HEMK2: variants seen among roughly 807,000 people sequenced by gnomAD.
HEMK2 encodes methyltransferase HEMK2.
chr21:28,857,792 G>A, the HEMK2 span, among the ~76,000 whole-genome samples: 47 of 152,118 alleles, frequency 3.1e-4, no homozygotes, highest in Admixed American at 1.1e-3. Flanking sequence ...GATTATATGA[G>A]CTACTCTCTA....
At chr21:28,846,056 T>C in the HEMK2 span, among the ~76,000 whole-genome samples, 11 of 152,224 alleles carry the variant, frequency 7.2e-5, no homozygotes, top group Non-Finnish European at 1.5e-4. Flanking sequence ...TATTTAGTTT[T>C]CTGTCCTTAC....
chr21:28,738,700 G>C, the HEMK2 span, among the ~76,000 whole-genome samples: 1 of 152,204 alleles, frequency 6.6e-6, no homozygotes, highest in African/African-American at 2.4e-5. Context: ...CGAAACAACA[G>C]AGCTTACGTC....
At chr21:28,767,711 A>G in the HEMK2 span, among the ~76,000 whole-genome samples, 1 of 152,138 alleles carries the variant, frequency 6.6e-6, no homozygotes, top group Non-Finnish European at 1.5e-5. Flanking sequence ...GTCAAGTCAT[A>G]TCATCTAACA....
the HEMK2 span, among the ~76,000 whole-genome samples, chr21:28,844,017 T>C: frequency 1.3e-5 from 2 of 152,166 alleles, no homozygotes; most frequent in Admixed American, 1.3e-4. Flanking sequence ...TTTAATAATC[T>C]ATTGCTTATT....
At chr21:28,674,570 A>T in the HEMK2 span, 2 of 152,098 alleles carry the variant, frequency 1.3e-5, no homozygotes, top group Non-Finnish European at 2.9e-5. Context: ...TCACTTCATG[A>T]TCTCACTCCT....
chr21:28,659,253 A>G, the HEMK2 span, among the ~76,000 whole-genome samples: 2 of 152,138 alleles, frequency 1.3e-5, no homozygotes, highest in African/African-American at 4.8e-5. Flanking sequence ...CTTGTTCTAC[A>G]TGATTTAATA....
the HEMK2 span, among the ~76,000 whole-genome samples, chr21:28,818,229 G>A: frequency 2.0e-3 from 310 of 152,242 alleles, 4 homozygotes; most frequent in African/African-American, 7.0e-3. Flanking sequence ...TCTTTCTCCC[G>A]TGCTGGATGC....
chr21:28,587,967 A>G, the HEMK2 span, among the ~76,000 whole-genome samples: 1 of 152,236 alleles, frequency 6.6e-6, no homozygotes, highest in Non-Finnish European at 1.5e-5. Context: ...GTTGCAAGAC[A>G]ACTTGTATGC....
At chr21:28,814,453 G>C in the HEMK2 span, among the ~76,000 whole-genome samples, 1 of 151,222 alleles carries the variant, frequency 6.6e-6, no homozygotes. Context: ...GCAACCTACA[G>C]AATGGGAGAA....
the HEMK2 span, chr21:28,874,259 C>T: frequency 6.6e-6 from 1 of 152,218 alleles, no homozygotes; most frequent in Admixed American, 6.5e-5. Context: ...ATGAGACATT[C>T]TGTAAGTCCA....
At chr21:28,621,160 G>T in the HEMK2 span, among the ~76,000 whole-genome samples, 7 of 152,020 alleles carry the variant, frequency 4.6e-5, no homozygotes, top group African/African-American at 9.7e-5. Flanking sequence ...TGATGTTAGG[G>T]TGTCGATTTT....
At chr21:28,800,662 G>A in the HEMK2 span, among the ~76,000 whole-genome samples, 1 of 152,126 alleles carries the variant, frequency 6.6e-6, no homozygotes, top group African/African-American at 2.4e-5. Flanking sequence ...ATATGTAGTG[G>A]AGGATTGTGA....
the HEMK2 span, among the ~76,000 whole-genome samples, chr21:28,832,330 C>T: frequency 6.6e-6 from 1 of 152,202 alleles, no homozygotes. Flanking sequence ...GAGGAAATAA[C>T]AATCAGGAGC....
At chr21:28,578,672 T>C in the HEMK2 span, among the ~76,000 whole-genome samples, 48 of 152,266 alleles carry the variant, frequency 3.2e-4, no homozygotes, top group African/African-American at 1.0e-3. Context: ...AATCTTCTAC[T>C]CAGGGATAAG....
chr21:28,834,110 T>C, the HEMK2 span, among the ~76,000 whole-genome samples: 1 of 152,252 alleles, frequency 6.6e-6, no homozygotes, highest in Non-Finnish European at 1.5e-5. Flanking sequence ...TGTGCCTATG[T>C]GAATGATCCC....
chr21:28,776,700 G>T, the HEMK2 span, among the ~76,000 whole-genome samples: 7 of 152,126 alleles, frequency 4.6e-5, no homozygotes, highest in African/African-American at 1.7e-4. Context: ...CTAAAGGCCT[G>T]AGAGTCCCTG....
chr21:28,630,170 C>A, the HEMK2 span, among the ~76,000 whole-genome samples: 1 of 149,834 alleles, frequency 6.7e-6, no homozygotes, highest in Non-Finnish European at 1.5e-5. Flanking sequence ...CTTAATTAAT[C>A]ATTAACTTTC....
At chr21:28,777,203 C>T in the HEMK2 span, among the ~76,000 whole-genome samples, 25 of 152,282 alleles carry the variant, frequency 1.6e-4, no homozygotes, top group Non-Finnish European at 2.9e-4. Context: ...AATGAAGCAG[C>T]AAAGCAATAT....
At chr21:28,774,313 G>A in the HEMK2 span, among the ~76,000 whole-genome samples, 11 of 152,226 alleles carry the variant, frequency 7.2e-5, no homozygotes, top group Non-Finnish European at 1.5e-4. Flanking sequence ...ATAAAAGCCC[G>A]GTGTGGTGGC....
Sources: allele counts gnomAD v4.1 joint callset (sites outside exome capture counted in the v4.1 genomes callset), GRCh38; gene constraint gnomAD v4.1.1; transcripts MANE v1.5; gene names NCBI Gene and HGNC (gene_info 2026-07-23, HGNC 2026-07-21).